The following DIP2C variants were observed in gnomAD, a reference collection of about 807,000 sequenced individuals.
The protein encoded by DIP2C is disco-interacting protein 2 homolog C.
A neutral mutation model predicts 192.4 loss-of-function variants in DIP2C; 33 were observed. The ratio of observed to expected loss-of-function variants is 0.17; its 90% confidence interval spans 0.13 to 0.23. The LOEUF (loss-of-function observed/expected upper bound fraction) is 0.23. DIP2C is among the 10% of genes least tolerant of loss of function. The probability of loss-of-function intolerance (pLI) is 1.00; values close to 1 mark genes in which losing one functional copy is unlikely to be tolerated. For synonymous variants in DIP2C, 979 were observed against 864.1 expected (o/e 1.13, Z -2.33); for missense variants, 1,537 against 2,110.1 (o/e 0.73, Z 5.32).
intron 1 of DIP2C, among the ~76,000 whole-genome samples, chr10:504,881 C>G (rs1399645099): frequency 1.3e-5 from 2 of 152,182 alleles, no homozygotes; most frequent in Non-Finnish European, 2.9e-5. Flanking sequence ...CTGACCCCGT[C>G]ATACTCAGAG....
chr10:636,147 C>G lies in DIP2C; in HGVS notation c.85+53347G>C, dbSNP rs1279491700. Among the ~76,000 whole-genome samples, 2 of 152,180 alleles carry G rather than the reference C, an allele frequency of 1.3e-5. No homozygotes were observed. Among genetic ancestry groups the G allele is most frequent in the Admixed American group, 1.3e-4 (2 of 15,286 alleles). Reference sequence around the variant, plus strand: ...CAAAATAACTTTATCACAAGGAAAACTAGGTGGTGAACCCAGGAGGAGGAA... The same window carrying G: ...CAAAATAACTTTATCACAAGGAAAAGTAGGTGGTGAACCCAGGAGGAGGAA... On this transcript the variant is annotated intron_variant, in intron 1 of 36. Transcript: ENST00000280886. This position sits in a 1 kb window ranked among gnomAD's most constrained non-coding sequence, Gnocchi z 4.6.
intron 31 of DIP2C, among the ~76,000 whole-genome samples, 197 bp from the exon 32 acceptor site, chr10:310,289 T>A (rs1024192785): frequency 6.6e-6 from 1 of 152,160 alleles, no homozygotes; most frequent in African/African-American, 2.4e-5. Flanking sequence ...AATATCTTAT[T>A]AGGATAATAC....
chr10:588,309 G>C (rs1342361906), intron 1 of DIP2C, among the ~76,000 whole-genome samples: 2 of 152,258 alleles, frequency 1.3e-5, no homozygotes, highest in African/African-American at 2.4e-5. Context: ...AGGAGGGCAG[G>C]GAAGGACCAG....
intron 6 of DIP2C, 73 bp downstream of exon 6, chr10:418,992 G>A: frequency 6.3e-7 from 1 of 1,595,302 alleles, no homozygotes; most frequent in Non-Finnish European, 8.6e-7. Context: ...AACACATCCA[G>A]TCATGGGCAC....
At position 651,266 on chromosome 10, in the gene DIP2C, G is replaced by A. The variant is rs150712991; in HGVS notation, c.85+38228C>T. 1,323 of 714,288 alleles carry A rather than the reference G, an allele frequency of 1.9e-3. 14 individuals are homozygous for A. In the African/African-American group the frequency reaches 0.02, roughly 11 times the overall value. 44.2% of individuals were successfully genotyped at this position (714,288 alleles called of 1,614,324 possible). ...ACAGCGTGGGTTCCGGTCACCAGTC[G>A]GCCTCCCCCACCAACGTGGACTCCT... On this transcript the variant is annotated intron_variant, in intron 1 of 36. Coordinates refer to ENST00000280886, the MANE Select transcript of DIP2C (RefSeq NM_014974.3). This position sits in a 1 kb window ranked among gnomAD's most constrained non-coding sequence, Gnocchi z 4.1.
In DIP2C at chr10:277,573, C is replaced by T; in HGVS notation, c.4423G>A (p.Val1475Met). ...RAHKSVTECA[V>M]FTWTNLLVVV... ...ACCAACAAATTTGTCCAGGTAAACA[C>T]AGCACTAAAAGACAGAAAAGAAAGC... Residue 1475 changes from valine (V) to methionine (M), a missense_variant, in exon 37 of 37, where the codon GTG (valine) becomes ATG (methionine). Val to Met is a conservative substitution (Grantham distance 21). Coordinates refer to ENST00000280886, the MANE Select transcript of DIP2C (RefSeq NM_014974.3). The T allele has an allele frequency of 6.2e-7, 1 of 1,613,958 alleles. No individual in the cohort carries two copies. Among genetic ancestry groups the T allele is most frequent in the Non-Finnish European group, 8.5e-7 (1 of 1,179,974 alleles).
intron 10 of DIP2C, among the ~76,000 whole-genome samples, chr10:393,792 AAAAAG>A (rs1963696176): frequency 1.5e-5 from 2 of 135,040 alleles, no homozygotes; most frequent in East Asian, 2.0e-4. Flanking sequence ...AAAAAAAAAA[AAAAAG>A]AAAAAAAAAG....
chr10:308,213 C>T lies in DIP2C; in HGVS notation c.3986+1818G>A, dbSNP rs185613667. On this transcript the variant is annotated intron_variant, in intron 32 of 36. Coordinates refer to ENST00000280886, the MANE Select transcript of DIP2C (RefSeq NM_014974.3). Reference sequence around the variant, plus strand: ...GAGTCTCATGAAGATGTCTGGCATCCGAGGAGCTCCCCTCGGCACTGCTCA... The same window carrying T: ...GAGTCTCATGAAGATGTCTGGCATCTGAGGAGCTCCCCTCGGCACTGCTCA... 6.8e-4 allele frequency among the ~76,000 whole-genome samples: 102 copies of T among 149,670 alleles called. 2 individuals are homozygous for T. The East Asian group carries it at 0.011, about 17-fold the overall frequency.
At chr10:451,985 C>A (rs558145188) in intron 3 of DIP2C, among the ~76,000 whole-genome samples, 156 of 152,094 alleles carry the variant, frequency 1.0e-3, no homozygotes, top group African/African-American at 3.5e-3. Flanking sequence ...ACCAGCACAC[C>A]CAGCTCAGGG....
chr10:352,824 C>T (rs2132655565), intron 24 of DIP2C, among the ~76,000 whole-genome samples: 1 of 152,326 alleles, frequency 6.6e-6, no homozygotes, highest in Middle Eastern at 3.4e-3. Flanking sequence ...AGCTACACCA[C>T]ACGGCAACTC....
intron 32 of DIP2C, among the ~76,000 whole-genome samples, chr10:291,913 G>A (rs1373910358): frequency 2.6e-5 from 4 of 152,242 alleles, no homozygotes; most frequent in Admixed American, 6.5e-5. Context: ...GGAGCCAGAG[G>A]GGAGCAGGAG....
At chr10:318,669 A>G (rs2132375212) in intron 31 of DIP2C, among the ~76,000 whole-genome samples, 1 of 152,300 alleles carries the variant, frequency 6.6e-6, no homozygotes, top group South Asian at 2.1e-4. Context: ...TATGGTTTCC[A>G]TGATCCCCAG....
chr10:649,279 C>T (rs186220890), intron 1 of DIP2C, among the ~76,000 whole-genome samples: 40 of 150,580 alleles, frequency 2.7e-4, no homozygotes, highest in African/African-American at 9.2e-4. Context: ...TCCACGTCAA[C>T]ATTTGAGGGT....
chr10:634,203 A>G (rs1854694935), intron 1 of DIP2C, among the ~76,000 whole-genome samples: 1 of 152,238 alleles, frequency 6.6e-6, no homozygotes, highest in South Asian at 2.1e-4. Context: ...CTCAGCGTCA[A>G]CGCTGTCCCC....
At position 585,948 on chromosome 10, in the gene DIP2C, G is replaced by A. The variant is rs576684003; in HGVS notation, c.86-99418C>T. On this transcript the variant is annotated intron_variant, in intron 1 of 36. Transcript: ENST00000280886. ...TTTGCAGCAAATATATCCAACTGCT[G>A]TAAAAGGAAAAGGCAATTTGGTAAT... is the stretch of plus-strand genomic sequence containing the variant. 7.9e-5 allele frequency among the ~76,000 whole-genome samples: 12 copies of A among 152,284 alleles called. No individual in the cohort carries two copies. In the East Asian group the frequency reaches 1.2e-3, roughly 15 times the overall value.
At position 274,682 on chromosome 10, in the gene DIP2C, C is replaced by A. The variant is rs539009854; in HGVS notation, c.*2643G>T. The A allele has an allele frequency of 6.6e-6, 1 of 152,134 alleles. No individual in the cohort carries two copies. The highest frequency in any genetic ancestry group is 1.5e-5 in the Non-Finnish European group (1 of 68,026). The allele number at this position is 152,134 out of a possible 1,614,324, so 9.4% of individuals were successfully genotyped here. The stretch of plus-strand genomic sequence containing the variant: ...CTAACATTCAACTGATAAAAGGGAC[C>A]ATCTCCCTTGGGTAAAGTGTCAAGC... On this transcript the variant is annotated 3_prime_UTR_variant, in exon 37 of 37. Coordinates refer to ENST00000280886, the MANE Select transcript of DIP2C (RefSeq NM_014974.3).
chr10:485,061 G>A (rs748883954), intron 2 of DIP2C: 2 of 1,330,792 alleles, frequency 1.5e-6, no homozygotes, highest in Non-Finnish European at 2.0e-6. Flanking sequence ...GACCACCAAG[G>A]GGACCACAGG....
intron 2 of DIP2C, among the ~76,000 whole-genome samples, chr10:482,250 C>T (rs1283954182): frequency 1.3e-5 from 2 of 152,152 alleles, no homozygotes; most frequent in Non-Finnish European, 2.9e-5. Context: ...GAGACAAGTC[C>T]GTATTTGTGA....
chr10:656,484 G>C (rs1856342659), intron 1 of DIP2C, among the ~76,000 whole-genome samples: 1 of 152,184 alleles, frequency 6.6e-6, no homozygotes, highest in Non-Finnish European at 1.5e-5. Flanking sequence ...CTCTTACCCA[G>C]TGCGGTATTC....
Sources: allele counts gnomAD v4.1 joint callset (sites outside exome capture counted in the v4.1 genomes callset), GRCh38; gene constraint gnomAD v4.1.1; non-coding constraint Gnocchi (gnomAD v3.1); transcripts MANE v1.5; gene names NCBI Gene and HGNC (gene_info 2026-07-23, HGNC 2026-07-21).